PITPNM2: variants seen among roughly 807,000 people sequenced by gnomAD.
PITPNM2 encodes the protein phosphatidylinositol transfer protein membrane associated 2.
In PITPNM2, 35 loss-of-function variants were observed where a neutral mutation model predicts 132.2. The observed-to-expected ratio is 0.26, with a 90% CI of 0.20 to 0.35. PITPNM2 has a LOEUF of 0.35. Among genes scored for constraint, PITPNM2 ranks in the 10% least tolerant of loss-of-function variants. The pLI is 1.00. For missense variants in PITPNM2, 1,332 were observed against 1,912.0 expected (o/e 0.70, Z 5.66); for synonymous variants, 738 against 799.2 (o/e 0.92, Z 1.29).
At chr12:123,102,426 C>T (rs1386573836) in intron 2 of PITPNM2, among the ~76,000 whole-genome samples, 1 of 152,216 alleles carries the variant, frequency 6.6e-6, no homozygotes, top group Non-Finnish European at 1.5e-5. Context: ...AAGTAATTTC[C>T]AAGTTGTCAT....
chr12:123,016,580 G>A lies in PITPNM2; in HGVS notation c.79-2538C>T, dbSNP rs150766744. On this transcript the variant is annotated intron_variant, in intron 3 of 25. Coordinates refer to ENST00000320201, the MANE Select transcript of PITPNM2 (RefSeq NM_020845.3). Reference sequence around the variant, plus strand: ...TCCGCTCGCCTCGGCCTAAGACTCCGTCTCAAAAACAAACAAAAAAACAAA... The same window carrying A: ...TCCGCTCGCCTCGGCCTAAGACTCCATCTCAAAAACAAACAAAAAAACAAA... Among the ~76,000 whole-genome samples the A allele has an allele frequency of 9.1e-3, 899 of 99,062 alleles. 11 individuals carry two copies. Among genetic ancestry groups the A allele is most frequent in the African/African-American group, 0.032 (859 of 26,648 alleles). The allele number at this position is 99,062 out of a possible 152,430, so 65.0% of individuals were successfully genotyped here.
At chr12:123,014,683 C>A (rs1290428542) in intron 3 of PITPNM2, among the ~76,000 whole-genome samples, 1 of 152,152 alleles carries the variant, frequency 6.6e-6, no homozygotes, top group Non-Finnish European at 1.5e-5. Flanking sequence ...GCCTTGGTGA[C>A]AAAGTGAGAC....
chr12:123,123,288 A>G (rs1480301914), intron 1 of PITPNM2, among the ~76,000 whole-genome samples: 1 of 152,234 alleles, frequency 6.6e-6, no homozygotes, highest in Non-Finnish European at 1.5e-5. Context: ...ATGCACAACA[A>G]TAGGCAGCCA....
At chr12:123,033,325 G>T (rs896180064) in intron 3 of PITPNM2, among the ~76,000 whole-genome samples, 1 of 152,210 alleles carries the variant, frequency 6.6e-6, no homozygotes, top group African/African-American at 2.4e-5. Context: ...GTGGACAGAA[G>T]GCCAGCAGGA....
chr12:123,144,649 C>T (rs932415983), intron 1 of PITPNM2, among the ~76,000 whole-genome samples: 5 of 152,186 alleles, frequency 3.3e-5, no homozygotes, highest in Non-Finnish European at 7.3e-5. Context: ...CCAGGATGGT[C>T]TCGATCTCTT....
At chr12:123,025,159 A>T (rs1219201969) in intron 3 of PITPNM2, among the ~76,000 whole-genome samples, 2 of 152,196 alleles carry the variant, frequency 1.3e-5, no homozygotes, top group African/African-American at 4.8e-5. Flanking sequence ...CCATGGTGAC[A>T]TGATGGGCTA....
rs2038422482 is a variant in PITPNM2 at position 122,996,310 on chromosome 12, C to T, written c.1782+148G>A. ...TGAACAGAGCTTAACTGGGTAGAGTCCAAGCCAGATGGACTCAGGAAGTGC... is the reference window on the plus strand; with the variant it reads ...TGAACAGAGCTTAACTGGGTAGAGTTCAAGCCAGATGGACTCAGGAAGTGC... On this transcript the variant is annotated intron_variant, in intron 13 of 25. Transcript: ENST00000320201. The T allele has an allele frequency of 2.6e-6, 3 of 1,158,308 alleles. No homozygotes were observed. The Admixed American group carries it at 7.8e-5, about 30-fold the overall frequency. The allele number at this position is 1,158,308 out of a possible 1,614,324, so 71.8% of individuals were successfully genotyped here.
At chr12:123,051,906 A>G (rs1423182445) in intron 2 of PITPNM2, among the ~76,000 whole-genome samples, 1 of 114,432 alleles carries the variant, frequency 8.7e-6, no homozygotes, top group Admixed American at 1.1e-4. Flanking sequence ...TTTCCATTCT[A>G]TTCTTTTTTT....
Position 123,051,927 on chromosome 12 carries a change from C to T in PITPNM2, c.-95-17242G>A, listed in dbSNP as rs1388371190. ...TTCTATTCTTTTTTTTTTTTTGAGA[C>T]AGTCTCACTCTGTTGCCCATGCTGG... On this transcript the variant is annotated intron_variant, in intron 2 of 25. Transcript: ENST00000320201. Among the ~76,000 whole-genome samples, 4 of 146,822 alleles carry T rather than the reference C, an allele frequency of 2.7e-5. No individual in the cohort carries two copies. In the East Asian group the frequency reaches 6.1e-4, roughly 22 times the overall value.
At chr12:123,080,428 A>G (rs887394225) in intron 2 of PITPNM2, among the ~76,000 whole-genome samples, 1 of 152,208 alleles carries the variant, frequency 6.6e-6, no homozygotes, top group African/African-American at 2.4e-5. Flanking sequence ...CCAGTGAAAT[A>G]TTCCAGAGCC....
intron 3 of PITPNM2, among the ~76,000 whole-genome samples, chr12:123,015,799 G>A (rs534111203): frequency 5.3e-5 from 8 of 152,286 alleles, no homozygotes; most frequent in African/African-American, 1.4e-4. Flanking sequence ...AGAGCACTAT[G>A]AAGAGAGAAA....
At position 122,997,500 on chromosome 12, in the gene PITPNM2, T is replaced by C. The variant is rs1227161474; in HGVS notation, c.1297A>G (p.Thr433Ala). Residue 433 changes from threonine to alanine, a missense_variant, in exon 11 of 26, where the codon ACC becomes GCC. Thr to Ala is a moderately conservative substitution (Grantham distance 58). This residue lies in a region of PITPNM2 where 710 missense variants were observed against 911.5 expected (regional missense o/e 0.78). Transcript: ENST00000320201. ...TCCCCGGCGCCTGTGTCCAGGATGGTGCCTCCGTGCAGCACCAGTAGCAGC... is the reference window on the plus strand; with the variant it reads ...TCCCCGGCGCCTGTGTCCAGGATGGCGCCTCCGTGCAGCACCAGTAGCAGC... ...HVLLLVLHGG[T>A]ILDTGAGDPS... 2.5e-6 allele frequency: 4 copies of C among 1,613,372 alleles called. No individual in the cohort carries two copies. The highest frequency in any genetic ancestry group is 2.5e-6 in the Non-Finnish European group (3 of 1,180,022).
intron 1 of PITPNM2, among the ~76,000 whole-genome samples, chr12:123,132,789 AC>A (rs1407221145): frequency 6.6e-6 from 1 of 151,778 alleles, no homozygotes; most frequent in Non-Finnish European, 1.5e-5. Context: ...TTTGTGTCTG[AC>A]TTCTTTCATT....
At chr12:123,016,607 AAC>A (rs1244398829) in intron 3 of PITPNM2, among the ~76,000 whole-genome samples, 3 of 152,204 alleles carry the variant, frequency 2.0e-5, no homozygotes, top group African/African-American at 7.2e-5. Flanking sequence ...AAAAACAAAA[AAC>A]ACAATGAGAT....
At chr12:122,988,033 C>T (rs1176306289) in intron 20 of PITPNM2, 132 bp from the exon 21 acceptor site, 17 of 954,900 alleles carry the variant, frequency 1.8e-5, no homozygotes, top group Admixed American at 8.7e-5. Flanking sequence ...GAGTCTGGAT[C>T]AGACACGATG....
In PITPNM2 at chr12:122,988,218, C is replaced by T; in HGVS notation, c.2997+16G>A. 1 of 1,608,222 alleles carries T rather than the reference C, an allele frequency of 6.2e-7. No individual in the cohort carries two copies. The highest frequency in any genetic ancestry group is 2.2e-5 in the East Asian group (1 of 44,862). On this transcript the variant is annotated intron_variant, in intron 20 of 25. Transcript: ENST00000320201. Reference sequence around the variant, plus strand: ...GGGTGACATCGTGGGGGCCTGGGCGCCCGGGGGACCCTCACCCGCAGCTTC... The same window carrying T: ...GGGTGACATCGTGGGGGCCTGGGCGTCCGGGGGACCCTCACCCGCAGCTTC...
chr12:123,030,664 C>G (rs943585089), intron 3 of PITPNM2, among the ~76,000 whole-genome samples: 61 of 151,540 alleles, frequency 4.0e-4, no homozygotes, highest in African/African-American at 1.2e-3. Flanking sequence ...CTGCACTCCA[C>G]CCTGGGCGAC....
chr12:123,070,893 T>A (rs2041604496), intron 2 of PITPNM2, among the ~76,000 whole-genome samples: 1 of 152,166 alleles, frequency 6.6e-6, no homozygotes, highest in Admixed American at 6.5e-5. Context: ...TGGGGCCACA[T>A]GGAAGGGATG....
chr12:123,048,400 GT>G (rs926590887), intron 2 of PITPNM2, among the ~76,000 whole-genome samples: 81 of 146,722 alleles, frequency 5.5e-4, no homozygotes, highest in African/African-American at 1.7e-3. Flanking sequence ...GGTAGTTAGT[GT>G]TTTTTTTTTG....
Sources: allele counts gnomAD v4.1 joint callset (sites outside exome capture counted in the v4.1 genomes callset), GRCh38; gene constraint gnomAD v4.1.1; regional missense constraint gnomAD v4.1.1; transcripts MANE v1.5; gene names NCBI Gene and HGNC (gene_info 2026-07-23, HGNC 2026-07-21).